Variants in HCRTR2 observed in about 807,000 individuals in gnomAD.
HCRTR2 encodes the protein orexin receptor type 2.
In HCRTR2, 22 loss-of-function variants were observed where a neutral mutation model predicts 49.0. That is an observed-to-expected ratio of 0.45 (90% CI 0.32 to 0.64). The LOEUF (loss-of-function observed/expected upper bound fraction) is 0.64, where lower values mean the gene tolerates loss of function less well. HCRTR2 is among the 30% of genes least tolerant of loss of function. The pLI, the probability that HCRTR2 is intolerant of heterozygous loss-of-function variation, is 0.04. For synonymous variants in HCRTR2, 236 were observed against 205.3 expected, an observed-to-expected ratio of 1.15 and a Z score of -1.28; for missense variants, 491 against 559.4, an observed-to-expected ratio of 0.88 and a Z score of 1.23.
At chr6:55,222,488 A>G (rs573506831) in intron 1 of HCRTR2, among the ~76,000 whole-genome samples, 65 of 152,320 alleles carry the variant, frequency 4.3e-4, no homozygotes, top group African/African-American at 1.5e-3. Flanking sequence ...TTGCACTCTC[A>G]TGTTTATTGT....
chr6:55,193,022 G>C (rs1275357176), intron 1 of HCRTR2, among the ~76,000 whole-genome samples: 2 of 152,176 alleles, frequency 1.3e-5, no homozygotes, highest in African/African-American at 2.4e-5. Context: ...ATGTTCTGCT[G>C]AGATCTAATC....
chr6:55,240,543 A>G (rs16869572), intron 1 of HCRTR2, among the ~76,000 whole-genome samples: 12,444 of 152,138 alleles, frequency 0.082, 1,087 homozygotes, highest in African/African-American at 0.22. Context: ...CAACTTTGCC[A>G]AGGTGTGTAG....
chr6:55,209,813 G>T (rs945625371), intron 1 of HCRTR2, among the ~76,000 whole-genome samples: 1 of 151,940 alleles, frequency 6.6e-6, no homozygotes, highest in African/African-American at 2.4e-5. Context: ...GAAATGATCT[G>T]CTTTTTGTTT....
intron 1 of HCRTR2, among the ~76,000 whole-genome samples, chr6:55,177,735 C>G (rs918326807): frequency 7.9e-5 from 12 of 152,132 alleles, no homozygotes; most frequent in Non-Finnish European, 1.2e-4. Context: ...GGTAGCATAA[C>G]AAAGTCTTGA....
In HCRTR2 at chr6:55,165,744, A is replaced by AATATATATAT. The variant is rs56655240; in HGVS notation, c.-377-8431_-377-8422dup. On this transcript the variant is annotated intron_variant, in intron 1 of 7. Transcript: ENST00000615358. ...TATTTGTTAAGGGATTAGTATACAG[A>AATATATATAT]ATATATATATATATATATATATATA... Among the ~76,000 whole-genome samples the AATATATATAT allele has an allele frequency of 4.2e-3, 532 of 128,090 alleles. 5 individuals carry two copies. The highest frequency in any genetic ancestry group is 0.016 in the East Asian group (52 of 3,216). The allele number at this position is 128,090 out of a possible 152,430, so 84.0% of individuals were successfully genotyped here. A position where few individuals can be genotyped will look rare whatever the true frequency, so the allele number is the denominator to read the frequency against.
chr6:55,182,567 G>A (rs1238459636), intron 1 of HCRTR2, among the ~76,000 whole-genome samples: 1 of 152,158 alleles, frequency 6.6e-6, no homozygotes, highest in Non-Finnish European at 1.5e-5. Flanking sequence ...GTCTTGAGGT[G>A]ACTACAACAG....
intron 1 of HCRTR2, among the ~76,000 whole-genome samples, chr6:55,183,666 G>A (rs983913521): frequency 6.6e-6 from 1 of 152,110 alleles, no homozygotes; most frequent in African/African-American, 2.4e-5. Flanking sequence ...TCACACTGGG[G>A]TTTGCATCCT....
At chr6:55,190,179 C>CA (rs564158869) in intron 1 of HCRTR2, among the ~76,000 whole-genome samples, 34 of 152,270 alleles carry the variant, frequency 2.2e-4, no homozygotes, top group African/African-American at 6.7e-4. Context: ...TTCATTAGTT[C>CA]AAAAAATATT....
chr6:55,167,028 G>A (rs1404613159), intron 1 of HCRTR2, among the ~76,000 whole-genome samples: 1 of 152,118 alleles, frequency 6.6e-6, no homozygotes, highest in Non-Finnish European at 1.5e-5. Context: ...CATGTGGGAG[G>A]AGAGGAAAAT....
chr6:55,219,745 A>G (rs1765854802), intron 1 of HCRTR2, among the ~76,000 whole-genome samples: 1 of 151,882 alleles, frequency 6.6e-6, no homozygotes, highest in South Asian at 2.1e-4. Flanking sequence ...AATTACTATA[A>G]TAATTAATGA....
chr6:55,132,465 C>T (rs1334410858), intron 1 of HCRTR2, among the ~76,000 whole-genome samples: 1 of 151,938 alleles, frequency 6.6e-6, no homozygotes, highest in East Asian at 1.9e-4. Flanking sequence ...AATATTGACA[C>T]ACTATGCATG....
At chr6:55,263,184 T>A (rs1766800646) in intron 3 of HCRTR2, among the ~76,000 whole-genome samples, 1 of 152,046 alleles carries the variant, frequency 6.6e-6, no homozygotes, top group African/African-American at 2.4e-5. Flanking sequence ...TTTCAAAATT[T>A]TTTTCACATT....
At chr6:55,262,104 G>A (rs1766768315) in intron 3 of HCRTR2, among the ~76,000 whole-genome samples, 1 of 151,430 alleles carries the variant, frequency 6.6e-6, no homozygotes, top group African/African-American at 2.4e-5. Flanking sequence ...TGGACTTCAG[G>A]TACTCAGGGG....
At chr6:55,174,386 C>A, upstream of HCRTR2, 8 of 617,832 alleles carry the variant, frequency 1.3e-5, no homozygotes, top group Non-Finnish European at 1.5e-5. Context: ...TGCAACATCG[C>A]CTGTAAAGAC....
At chr6:55,224,879 A>G (rs1765972116) in intron 1 of HCRTR2, among the ~76,000 whole-genome samples, 1 of 152,142 alleles carries the variant, frequency 6.6e-6, no homozygotes, top group Non-Finnish European at 1.5e-5. Context: ...GGTTGGGGAA[A>G]CGGTCAAAGA....
At chr6:55,275,217 G>A (rs1767055137) in intron 4 of HCRTR2, among the ~76,000 whole-genome samples, 1 of 152,038 alleles carries the variant, frequency 6.6e-6, no homozygotes, top group Non-Finnish European at 1.5e-5. Flanking sequence ...ATTTTTCAGG[G>A]TGTATTTTTG....
intron 1 of HCRTR2, among the ~76,000 whole-genome samples, chr6:55,229,539 A>T (rs1318957203): frequency 6.6e-6 from 1 of 152,230 alleles, no homozygotes; most frequent in Non-Finnish European, 1.5e-5. Flanking sequence ...CATACAATGG[A>T]ATATTATTCA....
At chr6:55,117,524 A>G (rs1372743326) in intron 1 of HCRTR2, among the ~76,000 whole-genome samples, 11 of 151,724 alleles carry the variant, frequency 7.3e-5, no homozygotes, top group Admixed American at 5.3e-4. Context: ...TAGAATATTC[A>G]TCACCTCAAA....
chr6:55,151,351 G>A (rs139461566), intron 1 of HCRTR2, among the ~76,000 whole-genome samples: 4 of 152,122 alleles, frequency 2.6e-5, no homozygotes, highest in Non-Finnish European at 5.9e-5. Flanking sequence ...AACTAAGTTT[G>A]TGTAATAATC....
Sources: allele counts gnomAD v4.1 joint callset (sites outside exome capture counted in the v4.1 genomes callset), GRCh38; gene constraint gnomAD v4.1.1; transcripts MANE v1.5; gene names NCBI Gene and HGNC (gene_info 2026-07-23, HGNC 2026-07-21).